The following DPP6 variants were observed in gnomAD, a reference collection of about 807,000 sequenced individuals.
The protein encoded by DPP6 is A-type potassium channel modulatory protein DPP6.
Under a neutral mutation model 122.6 loss-of-function variants are expected in DPP6, and 69 were observed. The ratio of observed to expected loss-of-function variants is 0.56; its 90% confidence interval spans 0.46 to 0.69. The LOEUF is 0.69. DPP6 is among the 30% of genes least tolerant of loss of function. DPP6 has a pLI of 0.00. For synonymous variants in DPP6, 418 were observed against 433.1 expected, an observed-to-expected ratio of 0.97 and a Z score of 0.43; for missense variants, 928 against 1,116.9, an observed-to-expected ratio of 0.83 and a Z score of 2.41.
intron 1 of DPP6, among the ~76,000 whole-genome samples, chr7:154,331,818 A>G (rs577266195): frequency 6.6e-6 from 1 of 152,126 alleles, no homozygotes; most frequent in Non-Finnish European, 1.5e-5. Flanking sequence ...GGTCGTAAAA[A>G]CACTCTGTGA....
chr7:153,887,694 A>G (rs774607192), exon 1 of DPP6: 1 of 1,613,818 alleles, frequency 6.2e-7, no homozygotes, highest in Non-Finnish European at 8.5e-7. Flanking sequence ...ATGAAGGAAA[A>G]GGCCATGATC....
At chr7:154,708,455 A>C (rs1413230117) in intron 7 of DPP6, among the ~76,000 whole-genome samples, 1 of 152,230 alleles carries the variant, frequency 6.6e-6, no homozygotes, top group African/African-American at 2.4e-5. Context: ...CTGATAAACA[A>C]AACATTGTAA....
intron 1 of DPP6, among the ~76,000 whole-genome samples, chr7:154,415,907 T>G (rs997245720): frequency 6.6e-6 from 1 of 151,568 alleles, no homozygotes; most frequent in Non-Finnish European, 1.5e-5. Context: ...ACCTGCAGCT[T>G]CTCACCCTCC....
At chr7:154,859,879 C>CA (rs1241530426) in intron 17 of DPP6, among the ~76,000 whole-genome samples, 2 of 152,148 alleles carry the variant, frequency 1.3e-5, no homozygotes, top group Non-Finnish European at 2.9e-5. Flanking sequence ...GTGTGGCTTG[C>CA]AATGCAGCCC....
chr7:153,855,477 C>T, the DPP6 span, among the ~76,000 whole-genome samples: 1 of 152,098 alleles, frequency 6.6e-6, no homozygotes, highest in South Asian at 2.1e-4. Flanking sequence ...AGATTTCCCC[C>T]TACTTTTTAC....
At chr7:154,669,538 TTG>T (rs3220067) in intron 7 of DPP6, 97 bp downstream of exon 7, 374,948 of 1,184,672 alleles carry the variant, frequency 0.32, 29,348 homozygotes, top group East Asian at 0.39. Flanking sequence ...GTACATGGTG[TTG>T]TGTGTGTGTG....
intron 1 of DPP6, among the ~76,000 whole-genome samples, chr7:154,109,752 C>T: frequency 6.8e-6 from 1 of 146,462 alleles, no homozygotes; most frequent in Non-Finnish European, 1.5e-5. Flanking sequence ...CATAATAGTC[C>T]ATTGATTACC....
chr7:154,302,039 G>C (rs920510760), intron 1 of DPP6, among the ~76,000 whole-genome samples: 3 of 151,436 alleles, frequency 2.0e-5, no homozygotes, highest in Admixed American at 6.6e-5. Flanking sequence ...GGATGGTCTC[G>C]ATCTCCTGAC....
chr7:154,767,948 G>A (rs1029070930), intron 8 of DPP6, among the ~76,000 whole-genome samples: 3 of 152,198 alleles, frequency 2.0e-5, no homozygotes, highest in Admixed American at 6.5e-5. Flanking sequence ...TGACAGGGGA[G>A]CGAGGCTCAA....
chr7:153,932,966 C>A lies in DPP6; in HGVS notation c.51+45232C>A, dbSNP rs560955209. On this transcript the variant is annotated intron_variant, in intron 1 of 25. Transcript: ENST00000404039. ...TATTCTTGTGGTAGTGAATAAGTCTCGCAAGATCTGATGGTTTTATAAAGG... is the reference window on the plus strand; with the variant it reads ...TATTCTTGTGGTAGTGAATAAGTCTAGCAAGATCTGATGGTTTTATAAAGG... 1.9e-4 allele frequency among the ~76,000 whole-genome samples: 29 copies of A among 152,242 alleles called. No homozygotes were observed. In the South Asian group the frequency reaches 6.0e-3, roughly 32 times the overall value.
the DPP6 span, among the ~76,000 whole-genome samples, chr7:153,843,259 GACAC>G: frequency 2.2e-5 from 3 of 138,208 alleles, no homozygotes; most frequent in African/African-American, 5.3e-5. Context: ...TGTGCATACA[GACAC>G]ACACGCATGC....
chr7:154,249,619 G>A (rs1802220349), intron 1 of DPP6, among the ~76,000 whole-genome samples: 2 of 152,194 alleles, frequency 1.3e-5, no homozygotes, highest in African/African-American at 4.8e-5. Context: ...CAGTGGGGAG[G>A]AGGGGAGCTT....
chr7:153,907,702 C>A (rs1002809481), intron 1 of DPP6, among the ~76,000 whole-genome samples: 1 of 152,170 alleles, frequency 6.6e-6, no homozygotes, highest in African/African-American at 2.4e-5. Context: ...GGGAATTCTG[C>A]AGCAAATGGC....
At chr7:154,627,101 C>T (rs1200699315) in intron 5 of DPP6, among the ~76,000 whole-genome samples, 1 of 143,580 alleles carries the variant, frequency 7.0e-6, no homozygotes, top group African/African-American at 2.6e-5. Context: ...CAAGCTCCGC[C>T]TCCCAGGTTC....
chr7:153,891,856 T>C (rs1234440916), intron 1 of DPP6, among the ~76,000 whole-genome samples: 1 of 152,172 alleles, frequency 6.6e-6, no homozygotes, highest in African/African-American at 2.4e-5. Context: ...AGGCCCATGG[T>C]GACTACAGCA....
chr7:153,808,777 T>C, the DPP6 span, among the ~76,000 whole-genome samples: 1 of 152,056 alleles, frequency 6.6e-6, no homozygotes, highest in South Asian at 2.1e-4. Flanking sequence ...GTTACTACAA[T>C]TTCTTCATCT....
intron 10 of DPP6, among the ~76,000 whole-genome samples, chr7:154,784,963 ATATCT>A (rs1177678739): frequency 1.3e-5 from 2 of 152,128 alleles, no homozygotes; most frequent in East Asian, 1.9e-4. Context: ...TTGAAAAAAA[ATATCT>A]TATTCTTATG....
At chr7:153,979,437 A>G (rs1038355785) in intron 1 of DPP6, among the ~76,000 whole-genome samples, 2 of 152,224 alleles carry the variant, frequency 1.3e-5, no homozygotes, top group South Asian at 4.1e-4. Context: ...CAGCTTAAGG[A>G]GTTTTTGGGC....
chr7:153,854,176 G>A, the DPP6 span, among the ~76,000 whole-genome samples: 3 of 150,782 alleles, frequency 2.0e-5, no homozygotes, highest in Non-Finnish European at 4.4e-5. Flanking sequence ...CATTATTTCT[G>A]AGGGCTCTGT....
Sources: gnomAD v4.1 joint callset for allele counts (sites outside exome capture counted in the v4.1 genomes callset) on GRCh38, gnomAD v4.1.1 for gene constraint, MANE v1.5 for transcripts, NCBI Gene and HGNC (gene_info 2026-07-23, HGNC 2026-07-21) for gene names.